The following KCNIP1 variants were observed in gnomAD, a reference collection of about 807,000 sequenced individuals.
The protein encoded by KCNIP1 is A-type potassium channel modulatory protein KCNIP1.
KCNIP1 carries 18 observed loss-of-function variants against 33.0 expected under a neutral mutation model. That is an observed-to-expected ratio of 0.55 (90% CI 0.38 to 0.81). The LOEUF is 0.81. Among genes scored for constraint, KCNIP1 ranks in the 30% least tolerant of loss-of-function variants. The pLI is 0.00. For missense variants in KCNIP1, 238 were observed against 271.6 expected (o/e 0.88, Z 0.87); for synonymous variants, 93 against 98.3 (o/e 0.95, Z 0.32).
At chr5:170,495,344 A>G (rs1696613132) in intron 1 of KCNIP1, among the ~76,000 whole-genome samples, 1 of 152,200 alleles carries the variant, frequency 6.6e-6, no homozygotes, top group African/African-American at 2.4e-5. Flanking sequence ...TGTTGGGTGC[A>G]GGGGAAGATT....
intron 1 of KCNIP1, among the ~76,000 whole-genome samples, chr5:170,694,144 C>G (rs1444974440): frequency 6.6e-6 from 1 of 152,150 alleles, no homozygotes; most frequent in Non-Finnish European, 1.5e-5. Context: ...CACCACTGCC[C>G]ACTTTTTCAG....
At chr5:170,439,911 T>C (rs1238695672) in intron 1 of KCNIP1, among the ~76,000 whole-genome samples, 1 of 152,198 alleles carries the variant, frequency 6.6e-6, no homozygotes, top group Admixed American at 6.5e-5. Context: ...GGGGTATGGC[T>C]GGCTGTCCAC....
At chr5:170,681,152 C>T (rs1762330819) in intron 1 of KCNIP1, 3 of 399,178 alleles carry the variant, frequency 7.5e-6, no homozygotes, top group East Asian at 3.6e-5. Context: ...TTTTGCACTA[C>T]CTCGGACTGA....
intron 1 of KCNIP1, among the ~76,000 whole-genome samples, chr5:170,599,689 G>A (rs66499509): frequency 5.6e-5 from 5 of 89,208 alleles, no homozygotes; most frequent in South Asian, 3.4e-4. Flanking sequence ...GGGGAAGAGC[G>A]AGAAGTCAGA....
chr5:170,379,098 G>T, intron 1 of KCNIP1: 1 of 1,189,862 alleles, frequency 8.4e-7, no homozygotes, highest in Non-Finnish European at 1.2e-6. Context: ...CGGGGCTTTG[G>T]TCTAAAGCTT....
chr5:170,445,860 A>G (rs1327682541), intron 1 of KCNIP1, among the ~76,000 whole-genome samples: 2 of 150,500 alleles, frequency 1.3e-5, no homozygotes, highest in African/African-American at 2.5e-5. Flanking sequence ...TGTTCCTTCA[A>G]TCCTAACTCT....
intron 1 of KCNIP1, among the ~76,000 whole-genome samples, chr5:170,680,227 G>T (rs150758551): frequency 6.6e-6 from 1 of 152,148 alleles, no homozygotes; most frequent in Non-Finnish European, 1.5e-5. Flanking sequence ...CTCTAAGAGT[G>T]CAATCTTCCC....
intron 1 of KCNIP1, among the ~76,000 whole-genome samples, chr5:170,527,368 C>G (rs1755619313): frequency 1.3e-5 from 2 of 152,058 alleles, no homozygotes; most frequent in Non-Finnish European, 2.9e-5. Context: ...GGTACTGGCC[C>G]AGTAGAAAAG....
At position 170,498,785 on chromosome 5, in the gene KCNIP1, C is replaced by T. The variant is rs527819268; in HGVS notation, c.88+144821C>T. Among the ~76,000 whole-genome samples, 23 of 152,306 alleles carry T rather than the reference C, an allele frequency of 1.5e-4. No individual in the cohort carries two copies. The South Asian group carries it at 3.9e-3, about 26-fold the overall frequency. On this transcript the variant is annotated intron_variant, in intron 1 of 7. Transcript: ENST00000377360. ...TGCTCTACAGAGAGACAAGTGCTTT[C>T]CCTTTACTTTATCTTACCCCATTCT...
chr5:170,735,887 T>C lies in KCNIP1; in HGVS notation c.*81T>C. 1.6e-6 allele frequency: 2 copies of C among 1,214,380 alleles called. No individual in the cohort carries two copies. Among genetic ancestry groups the C allele is most frequent in the Non-Finnish European group, 2.4e-6 (2 of 822,846 alleles). 75.2% of individuals were successfully genotyped at this position (1,214,380 alleles called of 1,614,324 possible). ...ACACCCTGATCTGCCCTTGTTCTGA[T>C]TTTACACACCAACTCTTGGGACAGA... On this transcript the variant is annotated 3_prime_UTR_variant, in exon 8 of 8. Coordinates refer to ENST00000328939, the MANE Select transcript of KCNIP1 (RefSeq NM_014592.4).
At chr5:170,541,346 C>T (rs540241958) in intron 1 of KCNIP1, among the ~76,000 whole-genome samples, 1 of 152,256 alleles carries the variant, frequency 6.6e-6, no homozygotes, top group East Asian at 1.9e-4. Context: ...TGGAGTCTGC[C>T]CCAATCATTT....
intron 1 of KCNIP1, among the ~76,000 whole-genome samples, chr5:170,578,572 G>A (rs575132334): frequency 3.0e-4 from 46 of 152,292 alleles, no homozygotes; most frequent in African/African-American, 5.1e-4. Flanking sequence ...GAGAATCACC[G>A]CAGAGCTGGC....
chr5:170,491,126 C>T (rs1050640849), intron 1 of KCNIP1, among the ~76,000 whole-genome samples: 2 of 152,182 alleles, frequency 1.3e-5, no homozygotes, highest in African/African-American at 4.8e-5. Flanking sequence ...TTACCTATCA[C>T]TGTCAGTCCG....
At position 170,647,852 on chromosome 5, in the gene KCNIP1, G is replaced by T. The variant is rs1355807760; in HGVS notation, c.62-70906G>T. 3.3e-5 allele frequency among the ~76,000 whole-genome samples: 5 copies of T among 151,956 alleles called. No homozygotes were observed. The South Asian group carries it at 1.0e-3, about 32-fold the overall frequency. ...GAATGAGAAAATAAGCCACAGACTG[G>T]GAAAAAATATTTGAAAAAATATATA... On this transcript the variant is annotated intron_variant, in intron 1 of 7. Coordinates refer to ENST00000328939, the MANE Select transcript of KCNIP1 (RefSeq NM_014592.4).
intron 1 of KCNIP1, among the ~76,000 whole-genome samples, chr5:170,675,976 TA>T (rs71722791): frequency 0.53 from 80,750 of 151,418 alleles, 22,608 homozygotes; most frequent in East Asian, 0.69. Flanking sequence ...TAAGACTTTT[TA>T]ATCTATCTGC....
At chr5:170,358,823 C>T (rs1763419567) in intron 1 of KCNIP1, among the ~76,000 whole-genome samples, 1 of 152,144 alleles carries the variant, frequency 6.6e-6, no homozygotes, top group Admixed American at 6.5e-5. Flanking sequence ...CGTGGCTCCC[C>T]TGGTGAGTGG....
chr5:170,556,543 G>T (rs1756855034), intron 1 of KCNIP1, among the ~76,000 whole-genome samples: 1 of 152,148 alleles, frequency 6.6e-6, no homozygotes, highest in African/African-American at 2.4e-5. Flanking sequence ...TGGGGGGTGG[G>T]AGCCGATGTC....
chr5:170,449,737 T>C (rs1046255943), intron 1 of KCNIP1, among the ~76,000 whole-genome samples: 6 of 152,168 alleles, frequency 3.9e-5, no homozygotes, highest in Non-Finnish European at 8.8e-5. Flanking sequence ...AGTAGCAGCA[T>C]TGCCAGGTAC....
At chr5:170,715,718 A>C (rs1334266899) in intron 1 of KCNIP1, among the ~76,000 whole-genome samples, 1 of 152,216 alleles carries the variant, frequency 6.6e-6, no homozygotes, top group African/African-American at 2.4e-5. Flanking sequence ...AGGTGCTCTA[A>C]TTTATTCTTG....
Sources: gnomAD v4.1 joint callset for allele counts (sites outside exome capture counted in the v4.1 genomes callset) on GRCh38, gnomAD v4.1.1 for gene constraint, MANE v1.5 for transcripts, NCBI Gene and HGNC (gene_info 2026-07-23, HGNC 2026-07-21) for gene names.